Variants in HMGCLL1 observed in about 807,000 individuals in gnomAD.
HMGCLL1 encodes the protein 3-hydroxy-3-methylglutaryl-CoA lyase like 1.
In HMGCLL1, 36 loss-of-function variants were observed where a neutral mutation model predicts 39.1. That is an observed-to-expected ratio of 0.92 (90% CI 0.71 to 1.22). The LOEUF is 1.22. Among genes scored for constraint, HMGCLL1 ranks in the 50% most tolerant of loss-of-function variants. The probability of loss-of-function intolerance (pLI) is 0.00; values close to 1 mark genes in which losing one functional copy is unlikely to be tolerated. For missense variants in HMGCLL1, 451 were observed against 416.5 expected (o/e 1.08, Z -0.72); for synonymous variants, 149 against 144.0 (o/e 1.03, Z -0.25).
At chr6:55,623,354 T>C in the HMGCLL1 span, among the ~76,000 whole-genome samples, 1 of 151,948 alleles carries the variant, frequency 6.6e-6, no homozygotes, top group African/African-American at 2.4e-5. Context: ...TTATTTGAAG[T>C]TTTTCTACTT....
At chr6:55,567,085 A>G (rs1180435755) in intron 1 of HMGCLL1, among the ~76,000 whole-genome samples, 3 of 152,134 alleles carry the variant, frequency 2.0e-5, no homozygotes, top group African/African-American at 7.2e-5. Flanking sequence ...TACCAGTGCT[A>G]ATATTATACA....
chr6:55,635,746 G>A, the HMGCLL1 span, among the ~76,000 whole-genome samples: 5 of 152,180 alleles, frequency 3.3e-5, no homozygotes, highest in African/African-American at 1.2e-4. Flanking sequence ...AGTAAAGAGA[G>A]CTCAAGTGGT....
chr6:55,497,619 C>T (rs1377204766), intron 6 of HMGCLL1, among the ~76,000 whole-genome samples: 1 of 152,048 alleles, frequency 6.6e-6, no homozygotes, highest in African/African-American at 2.4e-5. Flanking sequence ...TAAGAATTTT[C>T]AAACAAAGAA....
chr6:55,640,266 TAACA>T, the HMGCLL1 span, among the ~76,000 whole-genome samples: 5 of 152,184 alleles, frequency 3.3e-5, no homozygotes, highest in Admixed American at 3.3e-4. Context: ...TACATACAAA[TAACA>T]AACAAACTAA....
the HMGCLL1 span, among the ~76,000 whole-genome samples, chr6:55,632,408 G>A: frequency 2.7e-5 from 4 of 150,040 alleles, no homozygotes; most frequent in African/African-American, 9.7e-5. Flanking sequence ...ATATTATATA[G>A]ATAATTTCTT....
chr6:55,578,896 G>A, intron 1 of HMGCLL1, 52 bp downstream of exon 1: 2 of 1,333,258 alleles, frequency 1.5e-6, no homozygotes, highest in South Asian at 1.2e-5. Flanking sequence ...GAGAGAGGCT[G>A]GCTGTCAGTG....
intron 3 of HMGCLL1, among the ~76,000 whole-genome samples, chr6:55,526,208 T>C (rs1424896535): frequency 6.6e-6 from 1 of 152,022 alleles, no homozygotes; most frequent in Non-Finnish European, 1.5e-5. Flanking sequence ...CCTTTGATGA[T>C]AGCAAAATGT....
At chr6:55,671,173 A>G in the HMGCLL1 span, among the ~76,000 whole-genome samples, 2 of 151,802 alleles carry the variant, frequency 1.3e-5, no homozygotes, top group African/African-American at 4.8e-5. Flanking sequence ...GAAGCAGTGA[A>G]TAGGATGAAA....
chr6:55,435,679 C>T lies in HMGCLL1; in HGVS notation c.1006G>A (p.Ala336Thr). Residue 336 changes from alanine (A) to threonine (T), a missense_variant, in exon 9 of 9, where the codon GCC becomes ACC. Physicochemically the swap from Ala to Thr is moderately conservative, Grantham distance 58. Coordinates refer to ENST00000274901, the MANE Select transcript of HMGCLL1 (RefSeq NM_001042406.2). ...CATTCAAGTCAAGCATTGAAGGAGGCTTGTGCTACTTTAGAGTTTGTGGTT... is the reference window on the plus strand; with the variant it reads ...CATTCAAGTCAAGCATTGAAGGAGGTTTGTGCTACTTTAGAGTTTGTGGTT... ...NKTTNSKVAQ[A>T]SFNA 1 of 1,596,648 alleles carries T rather than the reference C, an allele frequency of 6.3e-7. No homozygotes were observed.
At chr6:55,456,146 A>C (rs890199227) in intron 7 of HMGCLL1, among the ~76,000 whole-genome samples, 1 of 152,190 alleles carries the variant, frequency 6.6e-6, no homozygotes, top group African/African-American at 2.4e-5. Context: ...CCAAGAAAAA[A>C]AAGTCATATA....
intron 7 of HMGCLL1, among the ~76,000 whole-genome samples, chr6:55,485,279 G>A (rs1230706099): frequency 6.6e-6 from 1 of 151,770 alleles, no homozygotes; most frequent in African/African-American, 2.4e-5. Flanking sequence ...CAATTAATAT[G>A]CTCTAAAATG....
intron 4 of HMGCLL1, 148 bp from the exon 5 acceptor site, chr6:55,514,344 CA>C (rs1304092208): frequency 1.8e-6 from 1 of 564,018 alleles, no homozygotes; most frequent in African/African-American, 1.9e-5. Context: ...CTCATCTTGC[CA>C]CATATATTCT....
chr6:55,580,070 G>T (rs1184367369), upstream of HMGCLL1, among the ~76,000 whole-genome samples: 1 of 152,126 alleles, frequency 6.6e-6, no homozygotes, highest in Non-Finnish European at 1.5e-5. Flanking sequence ...GGGTGTCCAT[G>T]GCCAGGAATA....
At chr6:55,598,289 T>A in the HMGCLL1 span, among the ~76,000 whole-genome samples, 2 of 152,190 alleles carry the variant, frequency 1.3e-5, no homozygotes, top group South Asian at 2.1e-4. Context: ...AAATATCCTT[T>A]ATTTAGCTTG....
At chr6:55,592,451 C>T in the HMGCLL1 span, among the ~76,000 whole-genome samples, 1 of 151,948 alleles carries the variant, frequency 6.6e-6, no homozygotes, top group African/African-American at 2.4e-5. Flanking sequence ...GGTCTTTATG[C>T]TTCATCTTCA....
the HMGCLL1 span, among the ~76,000 whole-genome samples, chr6:55,589,656 T>C: frequency 6.6e-6 from 1 of 152,120 alleles, no homozygotes; most frequent in Admixed American, 6.6e-5. Context: ...GAAAACCCCA[T>C]TGTCTCAGCC....
chr6:55,504,251 G>A (rs1307397768), intron 5 of HMGCLL1, among the ~76,000 whole-genome samples: 2 of 151,506 alleles, frequency 1.3e-5, no homozygotes, highest in African/African-American at 2.4e-5. Context: ...GCCTGAAAAA[G>A]CCATTATTTT....
chr6:55,631,293 T>C, the HMGCLL1 span, among the ~76,000 whole-genome samples: 1 of 152,156 alleles, frequency 6.6e-6, no homozygotes, highest in Admixed American at 6.6e-5. Flanking sequence ...TCCTCATTCT[T>C]TATGAAGACT....
the HMGCLL1 span, among the ~76,000 whole-genome samples, chr6:55,616,645 T>G: frequency 6.6e-6 from 1 of 152,086 alleles, no homozygotes; most frequent in Non-Finnish European, 1.5e-5. Flanking sequence ...AACATAAAAT[T>G]TCCCACTGAC....
Sources: allele counts gnomAD v4.1 joint callset (sites outside exome capture counted in the v4.1 genomes callset), GRCh38; gene constraint gnomAD v4.1.1; transcripts MANE v1.5; gene names NCBI Gene and HGNC (gene_info 2026-07-23, HGNC 2026-07-21).